The following MCTP1 variants were observed in gnomAD, a reference collection of about 807,000 sequenced individuals.
MCTP1 encodes the protein multiple C2 and transmembrane domain-containing protein 1.
A neutral mutation model predicts 120.6 loss-of-function variants in MCTP1; 69 were observed. The observed-to-expected ratio is 0.57, with a 90% CI of 0.47 to 0.70. The LOEUF is 0.70. Ranked by LOEUF, MCTP1 falls within the 30% of genes least tolerant of loss-of-function variation. The pLI, the probability that MCTP1 is intolerant of heterozygous loss-of-function variation, is 0.00. For missense variants in MCTP1, 1,203 were observed against 1,248.8 expected (o/e 0.96, Z 0.55); for synonymous variants, 529 against 493.1 (o/e 1.07, Z -0.96).
intron 19 of MCTP1, among the ~76,000 whole-genome samples, chr5:94,729,207 C>A (rs1762671615): frequency 6.6e-6 from 1 of 152,170 alleles, no homozygotes; most frequent in Admixed American, 6.5e-5. Flanking sequence ...AGTAGCTACA[C>A]AGGTGATGGA....
chr5:95,234,940 C>T (rs1755373761), intron 1 of MCTP1, among the ~76,000 whole-genome samples: 1 of 152,100 alleles, frequency 6.6e-6, no homozygotes, highest in African/African-American at 2.4e-5. Context: ...TACACAAACT[C>T]TTCCAAAAAA....
intron 1 of MCTP1, among the ~76,000 whole-genome samples, chr5:95,107,865 A>C (rs940579643): frequency 6.6e-6 from 1 of 152,168 alleles, no homozygotes; most frequent in Non-Finnish European, 1.5e-5. Context: ...TTTTTATTTT[A>C]AGTTCCAGGA....
chr5:94,832,927 A>C (rs1233345653), intron 17 of MCTP1, among the ~76,000 whole-genome samples: 1 of 152,232 alleles, frequency 6.6e-6, no homozygotes, highest in Non-Finnish European at 1.5e-5. Flanking sequence ...ACTGTAGCTC[A>C]AGCAATACCC....
At chr5:95,114,243 G>A (rs1582278234) in intron 1 of MCTP1, among the ~76,000 whole-genome samples, 1 of 152,234 alleles carries the variant, frequency 6.6e-6, no homozygotes, top group South Asian at 2.1e-4. Context: ...ATCTCTGCTT[G>A]AGAAATGCAG....
intron 7 of MCTP1, among the ~76,000 whole-genome samples, chr5:94,920,719 G>C (rs1163688691): frequency 1.3e-5 from 2 of 150,764 alleles, no homozygotes; most frequent in Non-Finnish European, 1.5e-5. Flanking sequence ...TCCAGCCCGG[G>C]CGACAGAGGG....
At chr5:95,277,140 T>C (rs952833944) in intron 1 of MCTP1, among the ~76,000 whole-genome samples, 4 of 152,102 alleles carry the variant, frequency 2.6e-5, no homozygotes, top group Non-Finnish European at 4.4e-5. Context: ...GGGTGCAATG[T>C]CAGAGGCCAG....
Position 95,271,541 on chromosome 5 carries a change from GT to G in MCTP1, c.720+12314del, listed in dbSNP as rs201970514. On this transcript the variant is annotated intron_variant, in intron 1 of 22. Coordinates refer to ENST00000515393, the MANE Select transcript of MCTP1 (RefSeq NM_024717.7). ...ATTTTTTACCTGTAAGGATCATTTTGTGAGAGTTAAGTCAGGCCATGCTTGA... is the reference window on the plus strand; with the variant it reads ...ATTTTTTACCTGTAAGGATCATTTTGGAGAGTTAAGTCAGGCCATGCTTGA... Among the ~76,000 whole-genome samples, 42 of 151,858 alleles carry G rather than the reference GT, an allele frequency of 2.8e-4. 1 individual carries two copies. In the East Asian group the frequency reaches 7.9e-3, roughly 29 times the overall value.
intron 20 of MCTP1, 140 bp downstream of exon 20, chr5:94,714,632 ATAAAG>A (rs1561514572): frequency 6.0e-6 from 4 of 669,032 alleles, no homozygotes; most frequent in South Asian, 1.7e-5. Flanking sequence ...ACTGGCAGAA[ATAAAG>A]TAAATAATGA....
chr5:95,175,749 G>T lies in MCTP1; in HGVS notation c.720+108107C>A, dbSNP rs543936983. On this transcript the variant is annotated intron_variant, in intron 1 of 22. Transcript: ENST00000515393. ...GTCCTGTTTCCTCTACGTAAACAAG[G>T]TGTCCTCAGCACGGCCCTCAGAGGC... 3.3e-5 allele frequency among the ~76,000 whole-genome samples: 5 copies of T among 152,248 alleles called. No homozygotes were observed. In the South Asian group the frequency reaches 1.0e-3, roughly 32 times the overall value.
intron 18 of MCTP1, among the ~76,000 whole-genome samples, chr5:94,797,218 A>G (rs148035155): frequency 2.0e-5 from 3 of 152,304 alleles, no homozygotes; most frequent in African/African-American, 7.2e-5. Flanking sequence ...AGAAGATAAC[A>G]AGCAAAGTCT....
chr5:95,235,895 A>G (rs1418954888), intron 1 of MCTP1, among the ~76,000 whole-genome samples: 1 of 152,206 alleles, frequency 6.6e-6, no homozygotes, highest in Non-Finnish European at 1.5e-5. Flanking sequence ...TTCTGACTAC[A>G]GTACTGTGAA....
At chr5:94,854,051 G>A (rs895237034) in intron 17 of MCTP1, among the ~76,000 whole-genome samples, 2 of 151,750 alleles carry the variant, frequency 1.3e-5, no homozygotes, top group African/African-American at 2.4e-5. Flanking sequence ...TGGACTGGAG[G>A]AAGATGAAGA....
chr5:94,824,199 A>C (rs1055651499), intron 17 of MCTP1, among the ~76,000 whole-genome samples: 2 of 152,136 alleles, frequency 1.3e-5, no homozygotes, highest in East Asian at 3.9e-4. Context: ...AATAGCTCTT[A>C]TTATTTTGAG....
chr5:95,027,898 T>C (rs1839562344), intron 1 of MCTP1, among the ~76,000 whole-genome samples: 2 of 152,164 alleles, frequency 1.3e-5, no homozygotes, highest in Non-Finnish European at 2.9e-5. Flanking sequence ...AGGAAATCCA[T>C]GAGTGTCAGA....
intron 19 of MCTP1, among the ~76,000 whole-genome samples, chr5:94,744,792 G>A (rs1038413563): frequency 3.3e-5 from 5 of 152,154 alleles, no homozygotes; most frequent in African/African-American, 1.2e-4. Flanking sequence ...TTACAGGTGT[G>A]AGCCACCGCG....
intron 19 of MCTP1, among the ~76,000 whole-genome samples, chr5:94,735,397 G>C (rs190359128): frequency 1.5e-3 from 223 of 152,140 alleles, no homozygotes; most frequent in African/African-American, 5.1e-3. Flanking sequence ...TCCCATCTCA[G>C]CCTCTCAAGT....
At chr5:95,274,208 A>G (rs463587) in intron 1 of MCTP1, among the ~76,000 whole-genome samples, 128,592 of 152,164 alleles carry the variant, frequency 0.85, 54,449 homozygotes, top group African/African-American at 0.9. Flanking sequence ...TTGCATACAC[A>G]GGACACTTAT....
At chr5:95,005,595 T>A (rs917003947) in intron 2 of MCTP1, among the ~76,000 whole-genome samples, 2 of 152,082 alleles carry the variant, frequency 1.3e-5, no homozygotes, top group Non-Finnish European at 2.9e-5. Flanking sequence ...GATCTAGTTG[T>A]TTGAAAGGGT....
chr5:95,169,308 T>C (rs1417937972), intron 1 of MCTP1, among the ~76,000 whole-genome samples: 2 of 152,248 alleles, frequency 1.3e-5, no homozygotes, highest in Admixed American at 6.5e-5. Flanking sequence ...CAGTATTTTA[T>C]TGAGGATTTT....
Sources: allele counts gnomAD v4.1 joint callset (sites outside exome capture counted in the v4.1 genomes callset), GRCh38; gene constraint gnomAD v4.1.1; transcripts MANE v1.5; gene names NCBI Gene and HGNC (gene_info 2026-07-23, HGNC 2026-07-21).